ZNF827: variants seen among roughly 807,000 people sequenced by gnomAD.
The protein encoded by ZNF827 is zinc finger protein 827.
Under a neutral mutation model 102.4 loss-of-function variants are expected in ZNF827, and 13 were observed. The ratio of observed to expected loss-of-function variants is 0.13; its 90% CI spans 0.08 to 0.20. ZNF827 has a LOEUF of 0.20. Ranked by LOEUF, ZNF827 falls within the 10% of genes least tolerant of loss-of-function variation. The pLI, the probability that ZNF827 is intolerant of heterozygous loss-of-function variation, is 1.00. For synonymous variants in ZNF827, 523 were observed against 536.2 expected, an observed-to-expected ratio of 0.98 and a Z score of 0.34; for missense variants, 1,103 against 1,344.4, an observed-to-expected ratio of 0.82 and a Z score of 2.81.
At chr4:145,934,109 A>G (rs1047042576) in intron 1 of ZNF827, among the ~76,000 whole-genome samples, 9 of 152,344 alleles carry the variant, frequency 5.9e-5, no homozygotes, top group Non-Finnish European at 8.8e-5. Context: ...GTAGAATCAT[A>G]TTTAAATCCC....
In ZNF827 at chr4:145,814,270, C is replaced by T. The variant is rs141730099; in HGVS notation, c.2383+9152G>A. On this transcript the variant is annotated intron_variant, in intron 8 of 14. Coordinates refer to ENST00000508784, the MANE Select transcript of ZNF827 (RefSeq NM_001306215.2). ...CTCAACCTGTATCACTTTTCCTTCA[C>T]GGCTTCAATGCCTTACTTCCCACCA... 2.7e-3 allele frequency among the ~76,000 whole-genome samples: 414 copies of T among 152,344 alleles called. 2 individuals are homozygous for T. The highest frequency in any genetic ancestry group is 4.6e-3 in the South Asian group (22 of 4,832).
chr4:145,793,302 T>G (rs1232678367), intron 8 of ZNF827, among the ~76,000 whole-genome samples: 1 of 101,306 alleles, frequency 9.9e-6, no homozygotes, highest in African/African-American at 3.8e-5. Context: ...ATATATATCT[T>G]ATATATACTT....
At chr4:145,885,651 AG>A (rs1750056127) in intron 4 of ZNF827, 26 bp downstream of exon 4, 15 of 1,458,700 alleles carry the variant, frequency 1.0e-5, no homozygotes, top group Middle Eastern at 1.9e-4. Flanking sequence ...AGAGAGAGAG[AG>A]AGAGAATACA....
intron 6 of ZNF827, among the ~76,000 whole-genome samples, chr4:145,846,632 C>A (rs909196997): frequency 7.2e-6 from 1 of 139,394 alleles, no homozygotes; most frequent in African/African-American, 2.8e-5. Flanking sequence ...GCCTGGCCAA[C>A]ATGGTGAAAA....
At chr4:145,886,205 A>C in intron 3 of ZNF827, 47 bp from the exon 4 acceptor site, 9 of 1,538,154 alleles carry the variant, frequency 5.9e-6, no homozygotes, top group Non-Finnish European at 7.9e-6. Context: ...GCATTTATGG[A>C]AAATGCCTTG....
At chr4:145,912,900 T>C (rs1247570887) in intron 1 of ZNF827, among the ~76,000 whole-genome samples, 1 of 152,152 alleles carries the variant, frequency 6.6e-6, no homozygotes, top group African/African-American at 2.4e-5. Context: ...AAAACTAATA[T>C]AAGTATATTT....
At chr4:145,781,217 AGAAAAAAAAAG>A (rs1737993278) in intron 8 of ZNF827, among the ~76,000 whole-genome samples, 1 of 119,038 alleles carries the variant, frequency 8.4e-6, no homozygotes, top group African/African-American at 3.5e-5. Flanking sequence ...AAAAAAAAAA[AGAAAAAAAAAG>A]AAAAAAAAAA....
intron 1 of ZNF827, among the ~76,000 whole-genome samples, chr4:145,910,348 T>G (rs1402141488): frequency 6.6e-6 from 1 of 152,214 alleles, no homozygotes; most frequent in Non-Finnish European, 1.5e-5. Flanking sequence ...GCCGAGGAAC[T>G]GCCCGTGTTC....
At chr4:145,779,644 C>T in intron 8 of ZNF827, 133 bp from the exon 9 acceptor site, 1 of 1,241,192 alleles carries the variant, frequency 8.1e-7, no homozygotes, top group Non-Finnish European at 1.1e-6. Flanking sequence ...GTCTCCGTAA[C>T]TGGTTTTCCT....
At chr4:145,777,013 CCA>C (rs1005532429) in intron 9 of ZNF827, among the ~76,000 whole-genome samples, 2 of 152,164 alleles carry the variant, frequency 1.3e-5, no homozygotes, top group African/African-American at 4.8e-5. Flanking sequence ...AAGAACAACT[CCA>C]GTGTTCTATC....
intron 8 of ZNF827, among the ~76,000 whole-genome samples, chr4:145,806,596 C>A (rs1741481117): frequency 6.6e-6 from 1 of 151,752 alleles, no homozygotes; most frequent in Non-Finnish European, 1.5e-5. Context: ...TTCTTCGACA[C>A]TGGCAGAGAA....
At chr4:145,845,534 G>C (rs1311346507) in intron 7 of ZNF827, among the ~76,000 whole-genome samples, 1 of 152,144 alleles carries the variant, frequency 6.6e-6, no homozygotes, top group Non-Finnish European at 1.5e-5. Flanking sequence ...TCAGCCTATA[G>C]TCATGGAGGC....
intron 8 of ZNF827, among the ~76,000 whole-genome samples, chr4:145,817,495 C>T (rs770661087): frequency 3.3e-5 from 5 of 152,020 alleles, no homozygotes; most frequent in Non-Finnish European, 5.9e-5. Context: ...AGAATCATGG[C>T]GGAAAGGGAA....
intron 8 of ZNF827, among the ~76,000 whole-genome samples, chr4:145,797,027 C>G (rs77131818): frequency 6.6e-6 from 1 of 152,076 alleles, no homozygotes; most frequent in Admixed American, 6.6e-5. Context: ...GTACTGGATG[C>G]GTGTACTGGA....
chr4:145,791,320 C>A (rs973278076), intron 8 of ZNF827, among the ~76,000 whole-genome samples: 1 of 152,190 alleles, frequency 6.6e-6, no homozygotes, highest in Non-Finnish European at 1.5e-5. Flanking sequence ...TAATCCTAGT[C>A]ATGAGGGCTC....
At chr4:145,843,368 C>T (rs1246903045) in intron 7 of ZNF827, among the ~76,000 whole-genome samples, 2 of 152,132 alleles carry the variant, frequency 1.3e-5, no homozygotes, top group East Asian at 3.8e-4. Flanking sequence ...ATTCGGATTT[C>T]CTCTTACTCA....
At chr4:145,886,265 G>A (rs1470264163) in intron 3 of ZNF827, 107 bp from the exon 4 acceptor site, 2 of 1,451,450 alleles carry the variant, frequency 1.4e-6, no homozygotes, top group Non-Finnish European at 9.1e-7. Flanking sequence ...GCAAAGGGCT[G>A]GCCTTTGTAC....
intron 1 of ZNF827, chr4:145,907,248 A>G (rs1200380468): frequency 2.2e-6 from 1 of 455,294 alleles, no homozygotes; most frequent in Non-Finnish European, 4.4e-6. Context: ...TTTCATGTCC[A>G]ATCTCATAAT....
At chr4:145,847,767 G>A (rs927975424) in intron 6 of ZNF827, among the ~76,000 whole-genome samples, 3 of 152,166 alleles carry the variant, frequency 2.0e-5, no homozygotes, top group Non-Finnish European at 2.9e-5. Flanking sequence ...TTAAACAGCA[G>A]GGCAAATAAA....
Sources: gnomAD v4.1 joint callset for allele counts (sites outside exome capture counted in the v4.1 genomes callset) on GRCh38, gnomAD v4.1.1 for gene constraint, MANE v1.5 for transcripts, NCBI Gene and HGNC (gene_info 2026-07-23, HGNC 2026-07-21) for gene names.